The following EVL variants were observed in gnomAD, a reference collection of about 807,000 sequenced individuals.
EVL encodes the protein Enah/Vasp-like.
Under a neutral mutation model 59.6 loss-of-function variants are expected in EVL, and 21 were observed. That is an observed-to-expected ratio of 0.35 (90% CI 0.25 to 0.51). EVL has a LOEUF of 0.51. Among genes scored for constraint, EVL ranks in the 20% least tolerant of loss-of-function variants. The probability of loss-of-function intolerance (pLI) is 0.97; values close to 1 mark genes in which losing one functional copy is unlikely to be tolerated. For synonymous variants in EVL, 198 were observed against 203.5 expected, an observed-to-expected ratio of 0.97 and a Z score of 0.23; for missense variants, 462 against 546.6, an observed-to-expected ratio of 0.85 and a Z score of 1.54.
At chr14:100,019,653 T>C (rs1308224797) in intron 1 of EVL, 1 of 1,532,910 alleles carries the variant, frequency 6.5e-7, no homozygotes, top group African/African-American at 1.4e-5. Context: ...GGAAATTGTC[T>C]CTGACTAGGT....
chr14:99,990,380 AT>A (rs1288958706), intron 1 of EVL, among the ~76,000 whole-genome samples: 3 of 152,126 alleles, frequency 2.0e-5, no homozygotes, highest in Non-Finnish European at 2.9e-5. Context: ...TGTCTTAACC[AT>A]TTTTAAGTGT....
intron 1 of EVL, among the ~76,000 whole-genome samples, chr14:100,034,575 C>A (rs1262177606): frequency 6.8e-6 from 1 of 148,022 alleles, no homozygotes; most frequent in South Asian, 2.1e-4. Context: ...CTGTCTCTAC[C>A]AAAAAAAAAA....
At chr14:100,048,814 C>A (rs2061599260) in intron 1 of EVL, among the ~76,000 whole-genome samples, 1 of 152,186 alleles carries the variant, frequency 6.6e-6, no homozygotes, top group Non-Finnish European at 1.5e-5. Flanking sequence ...AAGCATTACA[C>A]TGAATAAAGG....
chr14:100,038,773 T>TGG lies in EVL; in HGVS notation c.6-45913_6-45912insGG, dbSNP rs774181113. On this transcript the variant is annotated intron_variant, in intron 1 of 13. Transcript: ENST00000402714. ...GTACCCTGTGTGCTGTGCCCTGGGG[T>TGG]GTGTGTGTGTGTGTGTGTGTGTGTG... 2.1e-5 allele frequency among the ~76,000 whole-genome samples: 3 copies of TGG among 145,274 alleles called. No individual in the cohort carries two copies. In the East Asian group the frequency reaches 6.0e-4, roughly 29 times the overall value.
intron 3 of EVL, among the ~76,000 whole-genome samples, chr14:100,115,989 G>A (rs556929949): frequency 1.3e-5 from 2 of 152,354 alleles, no homozygotes; most frequent in Admixed American, 1.3e-4. Flanking sequence ...GCCCTGGGCC[G>A]GGAGACATTT....
intron 11 of EVL, chr14:100,140,714 C>T (rs574939381): frequency 9.1e-5 from 14 of 154,510 alleles, no homozygotes; most frequent in South Asian, 2.0e-4. Context: ...GTGTCAGGAG[C>T]GCGCCTCCAG....
At position 100,143,663 on chromosome 14, in the gene EVL, T is replaced by C. The variant is rs775230534; in HGVS notation, c.1220-38T>C. The C allele has an allele frequency of 1.2e-5, 19 of 1,565,688 alleles. 1 individual carries two copies. The Middle Eastern group carries it at 5.4e-4, about 45-fold the overall frequency. On this transcript the variant is annotated intron_variant, in intron 13 of 13. Coordinates refer to ENST00000392920, the MANE Select transcript of EVL (RefSeq NM_016337.3). ...CTGATGAGGAACCGGGCTGCACTGGTCATGGCTGCACCTGAGCCGCCGCCA... is the reference window on the plus strand; with the variant it reads ...CTGATGAGGAACCGGGCTGCACTGGCCATGGCTGCACCTGAGCCGCCGCCA...
At chr14:100,141,597 GGCCACGAGGAGACAAGGGT>G (rs1889170546) in intron 12 of EVL, 120 bp from the exon 13 acceptor site, 2 of 738,588 alleles carry the variant, frequency 2.7e-6, no homozygotes, top group Non-Finnish European at 4.3e-6. Context: ...GTGGGAAGGG[GGCCACGAGGAGACAAGGGT>G]GACAGATGCA....
At chr14:99,990,707 C>CTA (rs199591511) in intron 1 of EVL, among the ~76,000 whole-genome samples, 12 of 151,882 alleles carry the variant, frequency 7.9e-5, no homozygotes, top group South Asian at 4.2e-4. Context: ...ATATTATACT[C>CTA]TATATATATA....
At chr14:100,068,552 G>C (rs1490743631) in intron 1 of EVL, among the ~76,000 whole-genome samples, 3 of 152,220 alleles carry the variant, frequency 2.0e-5, no homozygotes, top group Non-Finnish European at 2.9e-5. Flanking sequence ...CTCTTGGGAG[G>C]CTACCGCAGT....
At chr14:100,096,966 C>G (rs900514420) in intron 2 of EVL, 1 of 153,714 alleles carries the variant, frequency 6.5e-6, no homozygotes, top group Non-Finnish European at 1.4e-5. Flanking sequence ...ATTCAAAGTA[C>G]TAGACACTAT....
At chr14:100,135,772 T>C in intron 8 of EVL, 133 bp from the exon 9 acceptor site, 2 of 796,290 alleles carry the variant, frequency 2.5e-6, no homozygotes, top group Non-Finnish European at 4.2e-6. Context: ...ATATTTAATG[T>C]TTTGCTAATT....
At chr14:99,973,902 C>G (rs375271015) in intron 1 of EVL, among the ~76,000 whole-genome samples, 1 of 152,058 alleles carries the variant, frequency 6.6e-6, no homozygotes, top group Non-Finnish European at 1.5e-5. Context: ...TTTTTCAGCA[C>G]CATTTATTAA....
chr14:100,024,954 A>T (rs1357807242), intron 1 of EVL, among the ~76,000 whole-genome samples: 2 of 152,036 alleles, frequency 1.3e-5, no homozygotes, highest in Admixed American at 6.5e-5. Flanking sequence ...TCCATCAAGC[A>T]GTCCTACCAG....
intron 3 of EVL, among the ~76,000 whole-genome samples, chr14:100,100,964 T>G (rs1397164792): frequency 1.3e-5 from 2 of 152,188 alleles, no homozygotes; most frequent in African/African-American, 4.8e-5. Flanking sequence ...ATTCTTGTTA[T>G]TTTTATGTGT....
chr14:100,115,949 G>T (rs1887313701), intron 3 of EVL, among the ~76,000 whole-genome samples: 1 of 152,228 alleles, frequency 6.6e-6, no homozygotes, highest in South Asian at 2.1e-4. Flanking sequence ...ATTAATCAGT[G>T]CTGAGCATCA....
At position 99,994,112 on chromosome 14, in the gene EVL, C is replaced by CTTTTTTTTTTTT. The variant is rs751533422; in HGVS notation, c.5+22070_5+22081dup. 5.6e-4 allele frequency among the ~76,000 whole-genome samples: 31 copies of CTTTTTTTTTTTT among 55,166 alleles called. 2 individuals are homozygous for CTTTTTTTTTTTT. The highest frequency in any genetic ancestry group is 1.3e-3 in the African/African-American group (15 of 11,306). The allele number at this position is 55,166 out of a possible 152,430, so 36.2% of individuals were successfully genotyped here. On this transcript the variant is annotated intron_variant, in intron 1 of 13. Transcript: ENST00000402714. ...TGAGCCACTACACCCAGCCTTTTGG[C>CTTTTTTTTTTTT]TTTTTTTTTTTTTTTTTTTTTTTTT...
At chr14:100,128,909 T>C (rs958057040) in intron 6 of EVL, among the ~76,000 whole-genome samples, 161 bp downstream of exon 6, 2 of 152,212 alleles carry the variant, frequency 1.3e-5, no homozygotes, top group African/African-American at 2.4e-5. Context: ...AGAAATCACA[T>C]GGGACAGCAC....
At chr14:100,123,233 C>T (rs556696376) in intron 3 of EVL, among the ~76,000 whole-genome samples, 82 of 152,204 alleles carry the variant, frequency 5.4e-4, no homozygotes, top group African/African-American at 1.9e-3. Context: ...AAGGTCGAAG[C>T]AGTGAGAAGA....
Sources: gnomAD v4.1 joint callset for allele counts (sites outside exome capture counted in the v4.1 genomes callset) on GRCh38, gnomAD v4.1.1 for gene constraint, MANE v1.5 for transcripts, NCBI Gene and HGNC (gene_info 2026-07-23, HGNC 2026-07-21) for gene names.